SEPTIN8: variants seen among roughly 807,000 people sequenced by gnomAD.
SEPTIN8 encodes septin 8, also known as septin-8.
In SEPTIN8, 22 loss-of-function variants were observed where a neutral mutation model predicts 53.1. That is an observed-to-expected ratio of 0.41 (90% confidence interval 0.30 to 0.59). The LOEUF (loss-of-function observed/expected upper bound fraction) is 0.59. SEPTIN8 is among the 20% of genes least tolerant of loss of function. The pLI is 0.24. For synonymous variants in SEPTIN8, 228 were observed against 248.4 expected (o/e 0.92, Z 0.77); for missense variants, 536 against 638.7 (o/e 0.84, Z 1.73).
upstream of SEPTIN8, among the ~76,000 whole-genome samples, chr5:132,778,605 T>A (rs548441804): frequency 6.6e-6 from 1 of 152,224 alleles, no homozygotes; most frequent in Non-Finnish European, 1.5e-5. Flanking sequence ...TTAGGGTAGC[T>A]GGATCTATGG....
intron 9 of SEPTIN8, among the ~76,000 whole-genome samples, chr5:132,752,680 G>A (rs948575376): frequency 2.0e-5 from 3 of 152,166 alleles, no homozygotes; most frequent in Non-Finnish European, 4.4e-5. Flanking sequence ...GGAATGCATA[G>A]TTAGACTAAT....
At chr5:132,762,765 G>A (rs1344986374) in intron 4 of SEPTIN8, 120 bp from the exon 5 acceptor site, 6 of 1,136,852 alleles carry the variant, frequency 5.3e-6, no homozygotes, top group Non-Finnish European at 7.6e-6. Flanking sequence ...GGGGAAGGAG[G>A]CCAGAGAGAT....
chr5:132,752,870 G>T, intron 9 of SEPTIN8: 1 of 1,613,648 alleles, frequency 6.2e-7, no homozygotes, highest in Non-Finnish European at 8.5e-7. Context: ...ATACAGGTTG[G>T]TGATATGCAG....
Position 132,761,130 on chromosome 5 carries a change from T to C in SEPTIN8, c.1095+3A>G. 2 of 1,614,212 alleles carry C rather than the reference T, an allele frequency of 1.2e-6. No individual in the cohort carries two copies. The highest frequency in any genetic ancestry group is 8.5e-7 in the Non-Finnish European group (1 of 1,180,026). ...CCATCCCAGCCCCCAGCCTGGCACA[T>C]ACCTCCCTTTCCTTCTCCTTCAGCT... On this transcript the variant is annotated splice_donor_region_variant and intron_variant, in intron 8 of 9. Coordinates refer to ENST00000378719, the MANE Select transcript of SEPTIN8 (RefSeq NM_001098811.2). This position sits in a 1 kb window ranked among gnomAD's most constrained non-coding sequence, Gnocchi z 5.8.
chr5:132,761,049 G>T lies in SEPTIN8; in HGVS notation c.1096-57C>A, dbSNP rs1755885979. 2.5e-6 allele frequency: 4 copies of T among 1,600,110 alleles called. No homozygotes were observed. Among genetic ancestry groups the T allele is most frequent in the East Asian group, 2.2e-5 (1 of 44,816 alleles). On this transcript the variant is annotated intron_variant, in intron 8 of 9. Transcript: ENST00000378719. This position sits in a 1 kb window ranked among gnomAD's most constrained non-coding sequence, Gnocchi z 5.8. ...GAGCAAGAGGAGGGCTTGAGCCTGGGCCAGGAAGGCACCCCCACCTCTACC... is the reference window on the plus strand; with the variant it reads ...GAGCAAGAGGAGGGCTTGAGCCTGGTCCAGGAAGGCACCCCCACCTCTACC...
chr5:132,752,845 G>A, intron 9 of SEPTIN8: 1 of 1,590,632 alleles, frequency 6.3e-7, no homozygotes, highest in Non-Finnish European at 8.6e-7. Flanking sequence ...GCTTGAAGAT[G>A]GCCACTCTAT....
At chr5:132,778,083 ACGCCAGGGT>A (rs1186164965), upstream of SEPTIN8, 2 of 985,382 alleles carry the variant, frequency 2.0e-6, no homozygotes, top group Admixed American at 1.2e-4. Flanking sequence ...ATTAACACTT[ACGCCAGGGT>A]CGGAGGCCTC....
chr5:132,756,522 G>C (rs1413452246), intron 9 of SEPTIN8: 10 of 985,312 alleles, frequency 1.0e-5, no homozygotes, highest in East Asian at 1.1e-4. Flanking sequence ...AGACTCTGCA[G>C]ACAGGGTCAC....
chr5:132,757,118 T>A, intron 9 of SEPTIN8: 3 of 984,240 alleles, frequency 3.0e-6, no homozygotes, highest in Non-Finnish European at 3.6e-6. Context: ...ATTGTGACGC[T>A]AAGGAAGCTT....
chr5:132,761,924 C>T lies in SEPTIN8; in HGVS notation c.697-28G>A, dbSNP rs769357229. On this transcript the variant is annotated intron_variant, in intron 5 of 9. Transcript: ENST00000378719. This position sits in a 1 kb window ranked among gnomAD's most constrained non-coding sequence, Gnocchi z 5.8. ...GGAAAGGGGCCCGGGTATGCGTAAG[C>T]CCTGAGCTGACACAGACTAATGGCA... The T allele has an allele frequency of 3.2e-6, 5 of 1,549,650 alleles. No homozygotes were observed. Among genetic ancestry groups the T allele is most frequent in the Middle Eastern group, 3.3e-4 (2 of 5,986 alleles).
At chr5:132,753,592 C>T (rs1277043796) in intron 9 of SEPTIN8, 1 of 152,706 alleles carries the variant, frequency 6.5e-6, no homozygotes, top group Non-Finnish European at 1.5e-5. Context: ...GTAACTTGAG[C>T]AAGCTTTAGG....
At chr5:132,752,483 G>A in intron 9 of SEPTIN8, among the ~76,000 whole-genome samples, 1 of 152,150 alleles carries the variant, frequency 6.6e-6, no homozygotes, top group Non-Finnish European at 1.5e-5. Context: ...TGGGGAGTCA[G>A]GGGTATGTCT....
At position 132,751,015 on chromosome 5, in the gene SEPTIN8, TAC is replaced by T; in HGVS notation, c.*999_*1000del. The T allele has an allele frequency of 6.2e-7, 1 of 1,610,674 alleles. No homozygotes were observed. The highest frequency in any genetic ancestry group is 1.3e-5 in the African/African-American group (1 of 74,854). On this transcript the variant is annotated 3_prime_UTR_variant, in exon 10 of 10. Coordinates refer to ENST00000378719, the MANE Select transcript of SEPTIN8 (RefSeq NM_001098811.2). ...TGACTATAGTGAGTAAGGAGGTGTTTACAGAGTCTACCCTAAACTCGTTTGTG... is the reference window on the plus strand; with the variant it reads ...TGACTATAGTGAGTAAGGAGGTGTTTAGAGTCTACCCTAAACTCGTTTGTG...
At chr5:132,752,823 T>C in intron 9 of SEPTIN8, 1 of 1,547,906 alleles carries the variant, frequency 6.5e-7, no homozygotes, top group Non-Finnish European at 8.9e-7. Flanking sequence ...TCTTAGAATG[T>C]ATGATGGTTC....
At position 132,765,726 on chromosome 5, in the gene SEPTIN8, C is replaced by G. The variant is rs186792220; in HGVS notation, c.31-197G>C. On this transcript the variant is annotated intron_variant, in intron 1 of 9. Transcript: ENST00000378719. ...TTTCCCCAGAGGGAGCCCGATGCCCCCAGGGGGAAAGGCCCTTCCACTCTG... is the reference window on the plus strand; with the variant it reads ...TTTCCCCAGAGGGAGCCCGATGCCCGCAGGGGGAAAGGCCCTTCCACTCTG... Among the ~76,000 whole-genome samples the G allele has an allele frequency of 9.8e-5, 15 of 152,364 alleles. No individual in the cohort carries two copies. The East Asian group carries it at 2.9e-3, about 29-fold the overall frequency.
intron 9 of SEPTIN8, chr5:132,754,127 T>C: frequency 2.6e-6 from 1 of 378,642 alleles, no homozygotes. Flanking sequence ...CTTTTGCTTG[T>C]TGGTGCTTTC....
intron 9 of SEPTIN8, chr5:132,757,268 T>C: frequency 8.1e-6 from 8 of 985,406 alleles, no homozygotes; most frequent in Non-Finnish European, 9.6e-6. Context: ...AAAAGTTGAA[T>C]TGTCACTAGA....
upstream of SEPTIN8, chr5:132,777,370 C>G (rs1004702275): frequency 3.9e-6 from 4 of 1,032,066 alleles, no homozygotes; most frequent in Admixed American, 5.7e-5. The surrounding 1 kb of genome is among the most constrained non-coding windows in gnomAD (Gnocchi z 4.1). Context: ...GCCGGAGCCC[C>G]GCCGCTTGGA....
rs1757895590 is a variant in SEPTIN8 at position 132,777,233 on chromosome 5, G to A, written c.-96C>T. 6 of 1,148,920 alleles carry A rather than the reference G, an allele frequency of 5.2e-6. No individual in the cohort carries two copies. Among genetic ancestry groups the A allele is most frequent in the Non-Finnish European group, 6.4e-6 (6 of 933,960 alleles). The allele number at this position is 1,148,920 out of a possible 1,614,324, so 71.2% of individuals were successfully genotyped here. ...GACGCGCTCCGCCCGGGCGGCTGCG[G>A]CTGAATGGATCCAATATGGCCACTT... On this transcript the variant is annotated 5_prime_UTR_variant, in exon 1 of 10. Transcript: ENST00000378719. The surrounding 1 kb of genome is among the most constrained non-coding windows in gnomAD (Gnocchi z 4.1).
Sources: allele counts gnomAD v4.1 joint callset (sites outside exome capture counted in the v4.1 genomes callset), GRCh38; gene constraint gnomAD v4.1.1; non-coding constraint Gnocchi (gnomAD v3.1); transcripts MANE v1.5; gene names NCBI Gene and HGNC (gene_info 2026-07-23, HGNC 2026-07-21).